The following OXNAD1 variants were observed in gnomAD, a reference collection of about 807,000 sequenced individuals.
OXNAD1 encodes the protein oxidoreductase NAD-binding domain-containing protein 1.
A neutral mutation model predicts 32.9 loss-of-function variants in OXNAD1; 34 were observed. The observed-to-expected ratio is 1.03, with a 90% CI of 0.79 to 1.38. The LOEUF (loss-of-function observed/expected upper bound fraction) is 1.38, where lower values mean the gene tolerates loss of function less well. Among genes scored for constraint, OXNAD1 ranks in the 40% most tolerant of loss-of-function variants. OXNAD1 has a pLI of 0.00. For missense variants in OXNAD1, 407 were observed against 379.4 expected, an observed-to-expected ratio of 1.07 and a Z score of -0.60; for synonymous variants, 134 against 135.2, an observed-to-expected ratio of 0.99 and a Z score of 0.06.
chr3:16,301,550 A>G lies in OXNAD1; in HGVS notation c.433-76A>G, dbSNP rs781118566. The G allele has an allele frequency of 3.9e-6, 6 of 1,532,516 alleles. No homozygotes were observed. Among genetic ancestry groups the G allele is most frequent in the Non-Finnish European group, 5.3e-6 (6 of 1,122,760 alleles). 94.9% of individuals were successfully genotyped at this position (1,532,516 alleles called of 1,614,324 possible). A position where few individuals can be genotyped will look rare whatever the true frequency, so the allele number is the denominator to read the frequency against. On this transcript the variant is annotated intron_variant, in intron 6 of 8. Transcript: ENST00000285083. The surrounding 1 kb of genome is among the most constrained non-coding windows in gnomAD (Gnocchi z 4.1). ...TACTGATAATACAGGAGATAGACCC[A>G]GTTTTATTAAAGTAGAACATTTGGT...
rs1382023739 is a variant in OXNAD1, at chr3:16,289,140, A to G, written c.290+2692A>G. 6.6e-6 allele frequency among the ~76,000 whole-genome samples: 1 copy of G among 152,198 alleles called. No individual in the cohort carries two copies. The highest frequency in any genetic ancestry group is 2.4e-5 in the African/African-American group (1 of 41,452). On this transcript the variant is annotated intron_variant, in intron 5 of 8. Coordinates refer to ENST00000285083, the MANE Select transcript of OXNAD1 (RefSeq NM_138381.5). This position sits in a 1 kb window ranked among gnomAD's most constrained non-coding sequence, Gnocchi z 4.9. ...TAGCATAATGCCTACTGTTAACTTC[A>G]TTTGTTTGATTTTAGCTTTTGTTAT...
At chr3:16,338,240 G>A (rs1258595000), downstream of OXNAD1, among the ~76,000 whole-genome samples, 1 of 152,236 alleles carries the variant, frequency 6.6e-6, no homozygotes, top group South Asian at 2.1e-4. This position sits in a 1 kb window ranked among gnomAD's most constrained non-coding sequence, Gnocchi z 5.3. Flanking sequence ...AGGGGTGTCT[G>A]CCCACACACA....
At chr3:16,306,523 T>G (rs2067571728), downstream of OXNAD1, among the ~76,000 whole-genome samples, 1 of 148,082 alleles carries the variant, frequency 6.8e-6, no homozygotes. Context: ...AAAGTCCGAA[T>G]ATTGCATTAG....
In OXNAD1 at chr3:16,316,440, G is replaced by A; in HGVS notation, c.*30+12848G>A. On this transcript the variant is annotated intron_variant, in intron 9 of 9. Transcript: ENST00000435829. The surrounding 1 kb of genome is among the most constrained non-coding windows in gnomAD (Gnocchi z 4.5). ...CCCACACGATGTGGGATGAACAGCA[G>A]CCTTGGTTTGTAGCCCAGGGTGTCC... 1 of 281,542 alleles carries A rather than the reference G, an allele frequency of 3.6e-6. No homozygotes were observed. Among genetic ancestry groups the A allele is most frequent in the East Asian group, 1.3e-4 (1 of 7,906 alleles). 17.4% of individuals were successfully genotyped at this position (281,542 alleles called of 1,614,324 possible). A position where few individuals can be genotyped will look rare whatever the true frequency, so the allele number is the denominator to read the frequency against.
At chr3:16,315,169 G>T (rs1041328878) in intron 9 of OXNAD1, among the ~76,000 whole-genome samples, 3 of 152,214 alleles carry the variant, frequency 2.0e-5, no homozygotes, top group Non-Finnish European at 4.4e-5. Flanking sequence ...AGACTGGAGT[G>T]CAGTGGTGCA....
chr3:16,306,595 T>G (rs1482859855), downstream of OXNAD1, among the ~76,000 whole-genome samples: 1 of 152,204 alleles, frequency 6.6e-6, no homozygotes, highest in Admixed American at 6.5e-5. Flanking sequence ...CACATATACA[T>G]GGACACTTTT....
chr3:16,326,794 G>A, intron 9 of OXNAD1: 2 of 1,614,144 alleles, frequency 1.2e-6, no homozygotes, highest in South Asian at 1.1e-5. Context: ...GACGACGGGA[G>A]TTGGTAGCAC....
In OXNAD1 at chr3:16,301,975, G is replaced by A; in HGVS notation, c.675+107G>A. 1 of 1,401,778 alleles carries A rather than the reference G, an allele frequency of 7.1e-7. No individual in the cohort carries two copies. Among genetic ancestry groups the A allele is most frequent in the Non-Finnish European group, 9.6e-7 (1 of 1,039,924 alleles). The allele number at this position is 1,401,778 out of a possible 1,614,324, so 86.8% of individuals were successfully genotyped here. On this transcript the variant is annotated intron_variant, in intron 7 of 8. Transcript: ENST00000285083. This position sits in a 1 kb window ranked among gnomAD's most constrained non-coding sequence, Gnocchi z 4.1. ...TTCTCTGCAAAGGTTCAAACAAAAG[G>A]CTTGGCAAGATTTAATCATGCTTAA... is the stretch of plus-strand genomic sequence containing the variant.
At chr3:16,278,078 G>A (rs2065472529) in intron 4 of OXNAD1, among the ~76,000 whole-genome samples, 1 of 152,202 alleles carries the variant, frequency 6.6e-6, no homozygotes, top group Non-Finnish European at 1.5e-5. Context: ...TTTGTTGGGA[G>A]AGTTTGGCAG....
intron 9 of OXNAD1, chr3:16,315,637 G>GA (rs2068306506): frequency 6.6e-6 from 1 of 152,228 alleles, no homozygotes; most frequent in African/African-American, 2.4e-5. Flanking sequence ...GGTGGCATCT[G>GA]AGTTCCACTT....
intron 5 of OXNAD1, among the ~76,000 whole-genome samples, chr3:16,293,076 A>C (rs185660289): frequency 6.6e-6 from 1 of 152,362 alleles, no homozygotes; most frequent in African/African-American, 2.4e-5. Flanking sequence ...CTGGGGTTTT[A>C]GTAAGTATTG....
At chr3:16,332,827 G>A (rs1438046240) in intron 9 of OXNAD1, among the ~76,000 whole-genome samples, 1 of 129,964 alleles carries the variant, frequency 7.7e-6, no homozygotes, top group African/African-American at 3.0e-5. Context: ...GTTCTTGTGG[G>A]CATCGATTTA....
In OXNAD1 at chr3:16,316,180, A is replaced by G. The variant is rs1233134377; in HGVS notation, c.*30+12588A>G. ...TTTGGCATTAATACTAACACAGAATACTTCCTTGAACATTCTGCAAAAGTA... is the reference window on the plus strand; with the variant it reads ...TTTGGCATTAATACTAACACAGAATGCTTCCTTGAACATTCTGCAAAAGTA... On this transcript the variant is annotated intron_variant, in intron 9 of 9. Transcript: ENST00000435829. The surrounding 1 kb of genome is among the most constrained non-coding windows in gnomAD (Gnocchi z 4.5). 2.6e-5 allele frequency: 4 copies of G among 153,692 alleles called. No individual in the cohort carries two copies. The highest frequency in any genetic ancestry group is 1.5e-5 in the Non-Finnish European group (1 of 68,890). The allele number at this position is 153,692 out of a possible 1,614,324, so 9.5% of individuals were successfully genotyped here. A position where few individuals can be genotyped will look rare whatever the true frequency, so the allele number is the denominator to read the frequency against.
Position 16,317,252 on chromosome 3 carries a change from G to A in OXNAD1, c.*30+13660G>A. 1 of 1,608,262 alleles carries A rather than the reference G, an allele frequency of 6.2e-7. No individual in the cohort carries two copies. Among genetic ancestry groups the A allele is most frequent in the South Asian group, 1.1e-5 (1 of 90,740 alleles). On this transcript the variant is annotated intron_variant, in intron 9 of 9. Coordinates refer to the OXNAD1 transcript ENST00000435829. The surrounding 1 kb of genome is among the most constrained non-coding windows in gnomAD (Gnocchi z 4.3). Reference sequence around the variant, plus strand: ...CTGAAACTAGAAATCAGAAAGGATGGGGATAAATAACAAGCCTCCGGGAAC... The same window carrying A: ...CTGAAACTAGAAATCAGAAAGGATGAGGATAAATAACAAGCCTCCGGGAAC...
At position 16,329,379 on chromosome 3, in the gene OXNAD1, G is replaced by A. The variant is rs1036434469; in HGVS notation, c.*31-7733G>A. On this transcript the variant is annotated intron_variant, in intron 9 of 9. Transcript: ENST00000435829. The surrounding 1 kb of genome is among the most constrained non-coding windows in gnomAD (Gnocchi z 4.5). Reference sequence around the variant, plus strand: ...GGAAAGAGGAAACTTAATAAAGGAAGGCGGAAGGGAGGAGGGAAGGGAGGA... The same window carrying A: ...GGAAAGAGGAAACTTAATAAAGGAAAGCGGAAGGGAGGAGGGAAGGGAGGA... Among the ~76,000 whole-genome samples the A allele has an allele frequency of 6.6e-6, 1 of 152,126 alleles. No homozygotes were observed. Among genetic ancestry groups the A allele is most frequent in the Admixed American group, 6.5e-5 (1 of 15,274 alleles).
At chr3:16,351,442 T>C (rs1646521000), downstream of OXNAD1, among the ~76,000 whole-genome samples, 1 of 152,166 alleles carries the variant, frequency 6.6e-6, no homozygotes, top group Admixed American at 6.5e-5. This position sits in a 1 kb window ranked among gnomAD's most constrained non-coding sequence, Gnocchi z 5.4. Context: ...AAATGGGGGT[T>C]AACTCAACAA....
Position 16,297,468 on chromosome 3 carries a change from C to T in OXNAD1, c.432+2471C>T, listed in dbSNP as rs1189211501. On this transcript the variant is annotated intron_variant, in intron 6 of 8. Transcript: ENST00000285083. The surrounding 1 kb of genome is among the most constrained non-coding windows in gnomAD (Gnocchi z 4.3). ...GTTTTCTATAAAGTTAAACATACAC[C>T]TAACATATGACCCAGCAATACCACT... Among the ~76,000 whole-genome samples the T allele has an allele frequency of 6.6e-6, 1 of 152,114 alleles. No individual in the cohort carries two copies. The highest frequency in any genetic ancestry group is 1.5e-5 in the Non-Finnish European group (1 of 68,014).
downstream of OXNAD1, among the ~76,000 whole-genome samples, chr3:16,351,695 AC>A (rs1417282883): frequency 1.3e-5 from 2 of 152,170 alleles, no homozygotes; most frequent in African/African-American, 4.8e-5. This position sits in a 1 kb window ranked among gnomAD's most constrained non-coding sequence, Gnocchi z 5.4. Flanking sequence ...TATAAGTTAG[AC>A]CCATTATCCT....
At position 16,316,623 on chromosome 3, in the gene OXNAD1, A is replaced by G. The variant is rs2068421324; in HGVS notation, c.*30+13031A>G. 4 of 664,394 alleles carry G rather than the reference A, an allele frequency of 6.0e-6. No individual in the cohort carries two copies. The highest frequency in any genetic ancestry group is 5.3e-5 in the South Asian group (3 of 56,990). 41.2% of individuals were successfully genotyped at this position (664,394 alleles called of 1,614,324 possible). A position where few individuals can be genotyped will look rare whatever the true frequency, so the allele number is the denominator to read the frequency against. ...CTTGCATTCTAACACTGGGTCATTA[A>G]TGACACCTTTCCAGTGGATGTGCAA... On this transcript the variant is annotated intron_variant, in intron 9 of 9. Transcript: ENST00000435829. The surrounding 1 kb of genome is among the most constrained non-coding windows in gnomAD (Gnocchi z 4.5).
Sources: allele counts gnomAD v4.1 joint callset (sites outside exome capture counted in the v4.1 genomes callset), GRCh38; gene constraint gnomAD v4.1.1; non-coding constraint Gnocchi (gnomAD v3.1); transcripts MANE v1.5; gene names NCBI Gene and HGNC (gene_info 2026-07-23, HGNC 2026-07-21).